Variants in TENM2 observed in about 807,000 individuals in gnomAD.
TENM2 encodes the protein teneurin-2.
In TENM2, 52 loss-of-function variants were observed where a neutral mutation model predicts 245.2. The observed-to-expected ratio is 0.21, with a 90% CI of 0.17 to 0.27. The LOEUF (loss-of-function observed/expected upper bound fraction) is 0.27, where lower values mean the gene tolerates loss of function less well. TENM2 is among the 10% of genes least tolerant of loss of function. The pLI is 1.00. For missense variants in TENM2, 3,046 were observed against 3,666.8 expected (o/e 0.83, Z 4.37); for synonymous variants, 1,363 against 1,438.9 (o/e 0.95, Z 1.19).
intron 2 of TENM2, among the ~76,000 whole-genome samples, chr5:167,516,430 C>T (rs536050256): frequency 5.3e-5 from 8 of 152,270 alleles, no homozygotes; most frequent in South Asian, 4.1e-4. Flanking sequence ...ATGCCATGCT[C>T]GTGTGCCTTT....
At chr5:167,391,183 T>A (rs958788511) in intron 2 of TENM2, among the ~76,000 whole-genome samples, 1 of 152,198 alleles carries the variant, frequency 6.6e-6, no homozygotes, top group South Asian at 2.1e-4. Context: ...AAATTTTTTT[T>A]AACATTTTAT....
At chr5:167,808,620 C>T (rs1766405259) in intron 2 of TENM2, among the ~76,000 whole-genome samples, 2 of 152,172 alleles carry the variant, frequency 1.3e-5, no homozygotes, top group African/African-American at 4.8e-5. Context: ...AACTTCATTA[C>T]TTATACTATT....
intron 2 of TENM2, among the ~76,000 whole-genome samples, chr5:167,536,458 T>TAA (rs35201500): frequency 1.3e-5 from 2 of 150,282 alleles, no homozygotes. Flanking sequence ...CCCATATACT[T>TAA]AAAAAAAAAA....
chr5:168,128,605 A>G (rs1451213865), intron 12 of TENM2, among the ~76,000 whole-genome samples: 3 of 152,138 alleles, frequency 2.0e-5, no homozygotes, highest in Non-Finnish European at 4.4e-5. Flanking sequence ...GCTCTCTCCT[A>G]CCTACAATCT....
intron 5 of TENM2, among the ~76,000 whole-genome samples, chr5:168,005,265 G>T (rs969372912): frequency 6.6e-5 from 10 of 152,140 alleles, no homozygotes; most frequent in Non-Finnish European, 1.3e-4. Flanking sequence ...GGAAGAAAAA[G>T]AGCTGTCTGT....
chr5:167,738,113 GTTCTGGCACTCCAGCAAA>G, intron 2 of TENM2, among the ~76,000 whole-genome samples: 1 of 152,348 alleles, frequency 6.6e-6, no homozygotes, highest in East Asian at 1.9e-4. Flanking sequence ...CACCCACAGG[GTTCTGGCACTCCAGCAAA>G]TGCCTGGGTG....
intron 2 of TENM2, among the ~76,000 whole-genome samples, chr5:167,868,939 T>C (rs1772570855): frequency 6.6e-6 from 1 of 152,152 alleles, no homozygotes; most frequent in Admixed American, 6.5e-5. Context: ...TGTCAAACAC[T>C]GTTCTATGGG....
At chr5:167,735,257 A>C (rs190204114) in intron 2 of TENM2, among the ~76,000 whole-genome samples, 1 of 152,170 alleles carries the variant, frequency 6.6e-6, no homozygotes, top group Non-Finnish European at 1.5e-5. Flanking sequence ...TTACAGATGA[A>C]AAAAACTATG....
At chr5:167,453,355 C>T (rs974671227) in intron 2 of TENM2, among the ~76,000 whole-genome samples, 1 of 152,094 alleles carries the variant, frequency 6.6e-6, no homozygotes, top group Non-Finnish European at 1.5e-5. Context: ...CTGTCATCTC[C>T]TCTAATTGAA....
intron 2 of TENM2, among the ~76,000 whole-genome samples, chr5:167,734,067 T>C (rs906312704): frequency 1.3e-5 from 2 of 152,210 alleles, no homozygotes; most frequent in Non-Finnish European, 2.9e-5. Flanking sequence ...AGAGGTCTTA[T>C]TTCCACTATG....
the TENM2 span, among the ~76,000 whole-genome samples, chr5:167,136,636 GTCAC>G: frequency 6.6e-6 from 1 of 152,008 alleles, no homozygotes; most frequent in Non-Finnish European, 1.5e-5. Context: ...TCACTGTAAT[GTCAC>G]TCAAATGAGA....
intron 2 of TENM2, among the ~76,000 whole-genome samples, chr5:167,814,912 G>A (rs897167166): frequency 5.3e-5 from 8 of 152,120 alleles, no homozygotes; most frequent in Non-Finnish European, 7.4e-5. Flanking sequence ...GTGAGGAAAC[G>A]GCTAATGTGG....
Position 167,593,615 on chromosome 5 carries a change from T to C in TENM2, c.502+218142T>C, listed in dbSNP as rs901697148. 1.6e-4 allele frequency among the ~76,000 whole-genome samples: 24 copies of C among 152,224 alleles called. 1 individual carries two copies. The highest frequency in any genetic ancestry group is 1.4e-3 in the Admixed American group (21 of 15,288). On this transcript the variant is annotated intron_variant, in intron 2 of 28. Coordinates refer to ENST00000518659, the Ensembl canonical transcript of TENM2. ...CCTATCCGGTAAGAGAAGTTAGGAATTGAGAGCTAAATTAAAGTTGCAAAT... is the reference window on the plus strand; with the variant it reads ...CCTATCCGGTAAGAGAAGTTAGGAACTGAGAGCTAAATTAAAGTTGCAAAT...
chr5:167,358,515 G>T (rs180780699), intron 1 of TENM2, among the ~76,000 whole-genome samples: 1 of 150,000 alleles, frequency 6.7e-6, no homozygotes, highest in Non-Finnish European at 1.5e-5. Context: ...TGGTCTTATG[G>T]TCCCTCTTTC....
At chr5:167,011,939 G>A in the TENM2 span, among the ~76,000 whole-genome samples, 1 of 152,162 alleles carries the variant, frequency 6.6e-6, no homozygotes, top group African/African-American at 2.4e-5. Context: ...AAGGCATATT[G>A]TCGTGTAGGT....
intron 3 of TENM2, among the ~76,000 whole-genome samples, chr5:167,880,667 A>G (rs909721026): frequency 2.0e-5 from 3 of 152,210 alleles, no homozygotes; most frequent in South Asian, 2.1e-4. Flanking sequence ...CATATAATAC[A>G]TATGCTAATT....
the TENM2 span, among the ~76,000 whole-genome samples, chr5:167,138,301 G>A: frequency 0.22 from 34,030 of 152,112 alleles, 6,321 homozygotes; most frequent in African/African-American, 0.51. Context: ...GTAATAAGAA[G>A]ATCATGAATA....
chr5:167,414,070 A>C (rs1179257130), intron 2 of TENM2, among the ~76,000 whole-genome samples: 2 of 152,178 alleles, frequency 1.3e-5, no homozygotes, highest in Non-Finnish European at 2.9e-5. Context: ...CATTGGATGG[A>C]CATTTTACTG....
chr5:167,221,294 C>T, the TENM2 span, among the ~76,000 whole-genome samples: 1 of 152,096 alleles, frequency 6.6e-6, no homozygotes. Flanking sequence ...GGTGAATAAG[C>T]AGATATGGCA....
Sources: gnomAD v4.1 joint callset for allele counts (sites outside exome capture counted in the v4.1 genomes callset) on GRCh38, gnomAD v4.1.1 for gene constraint, MANE v1.5 for transcripts, NCBI Gene and HGNC (gene_info 2026-07-23, HGNC 2026-07-21) for gene names.